PIEZO1: variants seen among roughly 807,000 people sequenced by gnomAD.
PIEZO1 encodes the protein piezo-type mechanosensitive ion channel component 1.
In PIEZO1, 296 loss-of-function variants were observed where a neutral mutation model predicts 297.2. The ratio of observed to expected loss-of-function variants is 1.00; its 90% CI spans 0.91 to 1.10. The LOEUF is 1.10. PIEZO1 is among the 50% of genes least tolerant of loss of function. The probability of loss-of-function intolerance (pLI) is 0.00; values close to 1 mark genes in which losing one functional copy is unlikely to be tolerated. For missense variants in PIEZO1, 5,018 were observed against 3,455.5 expected (o/e 1.45, Z -11.34); for synonymous variants, 2,427 against 1,507.5 (o/e 1.61, Z -14.13).
At position 88,735,179 on chromosome 16, in the gene PIEZO1, G is replaced by A. The variant is rs1905125698; in HGVS notation, c.1625C>T (p.Ala542Val). 1.9e-6 allele frequency: 3 copies of A among 1,550,260 alleles called. No individual in the cohort carries two copies. Among genetic ancestry groups the A allele is most frequent in the Non-Finnish European group, 2.6e-6 (3 of 1,146,920 alleles). The change falls in exon 13 of 51, where the codon GCA becomes GTA. Residue 542 changes from alanine (A) to valine (V), a missense_variant. Physicochemically the swap from Ala to Val is moderately conservative, Grantham distance 64. Transcript: ENST00000301015. The stretch of plus-strand genomic sequence containing the variant: ...CTCCGTCAGCGCAGCTGGAGACTCT[G>A]CCCACTTCAGCAGCTTCTCTTTCAC... Reference protein sequence around the residue: ...QFVKEKLLKWAESPAALTEVT... With the variant: ...QFVKEKLLKWVESPAALTEVT...
rs770940515 is a variant in PIEZO1 at position 88,735,128 on chromosome 16, C to G, written c.1669+7G>C. Reference sequence around the variant, plus strand: ...AGGGCAACCCCCGCCTCTGGCCCACCACTCACCTGTGTCTGCCACGGTGAC... The same window carrying G: ...AGGGCAACCCCCGCCTCTGGCCCACGACTCACCTGTGTCTGCCACGGTGAC... On this transcript the variant is annotated splice_region_variant and intron_variant, in intron 13 of 50. Transcript: ENST00000301015. 9 of 1,549,816 alleles carry G rather than the reference C, an allele frequency of 5.8e-6. No individual in the cohort carries two copies. In the East Asian group the frequency reaches 7.3e-5, roughly 13 times the overall value.
intron 12 of PIEZO1, 147 bp downstream of exon 12, chr16:88,736,001 C>G (rs375956248): frequency 1.3e-6 from 1 of 769,048 alleles, no homozygotes; most frequent in Non-Finnish European, 2.0e-6. Flanking sequence ...CTACTCTGGG[C>G]TGGCTCTGGG....
intron 29 of PIEZO1, 88 bp downstream of exon 29, chr16:88,725,328 C>T (rs1436070945): frequency 2.7e-5 from 23 of 861,992 alleles, no homozygotes; most frequent in Admixed American, 3.1e-5. Context: ...CCCTGTGGGA[C>T]GTCACATGGG....
chr16:88,784,821 G>T, intron 1 of PIEZO1, 80 bp downstream of exon 1: 1 of 1,049,844 alleles, frequency 9.5e-7, no homozygotes, highest in Non-Finnish European at 1.3e-6. Flanking sequence ...CGCCCCGGCC[G>T]GCGTCGTCCG....
chr16:88,728,372 C>T (rs1426905838), intron 22 of PIEZO1, among the ~76,000 whole-genome samples: 2 of 152,236 alleles, frequency 1.3e-5, no homozygotes, highest in African/African-American at 4.8e-5. Context: ...ACAGAGGGAA[C>T]CTCGCGACAC....
At chr16:88,757,077 A>T (rs554602408) in intron 1 of PIEZO1, among the ~76,000 whole-genome samples, 37 of 152,282 alleles carry the variant, frequency 2.4e-4, no homozygotes, top group Non-Finnish European at 4.7e-4. Context: ...CTCCGTCTCA[A>T]AACAAACAAA....
At chr16:88,725,797 G>A (rs377099070) in intron 27 of PIEZO1, 113 bp from the exon 28 acceptor site, 27 of 664,430 alleles carry the variant, frequency 4.1e-5, no homozygotes, top group African/African-American at 9.0e-5. Context: ...CTCTGCCCAC[G>A]CTGGACAAGA....
In PIEZO1 at chr16:88,742,049, T is replaced by A; in HGVS notation, c.326+4A>T. On this transcript the variant is annotated splice_donor_region_variant and intron_variant, in intron 4 of 50. Transcript: ENST00000301015. ...CTGGTTGGGGGTGGGAGGAATGGTC[T>A]TACCTTGTGACCCCTATGTGTCGCG... is the stretch of plus-strand genomic sequence containing the variant. 6.5e-7 allele frequency: 1 copy of A among 1,536,072 alleles called. No individual in the cohort carries two copies. Among genetic ancestry groups the A allele is most frequent in the Non-Finnish European group, 8.7e-7 (1 of 1,146,736 alleles).
Position 88,732,435 on chromosome 16 carries a change from T to C in PIEZO1, c.2891A>G (p.Gln964Arg). The change falls in exon 21 of 51, where the codon CAG (glutamine) becomes CGG (arginine). Residue 964 changes from glutamine (Q) to arginine (R), a missense_variant. Transcript: ENST00000301015. ...RQHQLAPLPAQAVFASGTRQQ... is the reference protein window; with the variant it reads ...RQHQLAPLPARAVFASGTRQQ... Reference sequence around the variant, plus strand: ...GCGGGTGCCGCTGGCAAACACGGCCTGGGCAGGCAGCGGGGCCAGCTGGTG... The same window carrying C: ...GCGGGTGCCGCTGGCAAACACGGCCCGGGCAGGCAGCGGGGCCAGCTGGTG... The C allele has an allele frequency of 3.2e-6, 5 of 1,549,690 alleles. No individual in the cohort carries two copies. Among genetic ancestry groups the C allele is most frequent in the South Asian group, 1.2e-5 (1 of 84,050 alleles).
rs566440325 is a variant in PIEZO1 at position 88,727,636 on chromosome 16, G to T, written c.3222C>A (p.Ala1074=). 2.7e-6 allele frequency: 4 copies of T among 1,498,154 alleles called. No homozygotes were observed. The highest frequency in any genetic ancestry group is 1.3e-5 in the South Asian group (1 of 78,754). The allele number at this position is 1,498,154 out of a possible 1,614,324, so 92.8% of individuals were successfully genotyped here. ...CIDYPWRWSR[A]VPMNSALIKW... The stretch of plus-strand genomic sequence containing the variant: ...TGATGAGTGCGGAGTTCATGGGGAC[G>T]GCCCGGCTCCAGCGCCAGGGATAAT... Residue 1074 remains alanine, a synonymous_variant, in exon 23 of 51, where the codon GCC becomes GCA. Transcript: ENST00000301015.
At position 88,736,297 on chromosome 16, in the gene PIEZO1, T is replaced by C; in HGVS notation, c.1408A>G (p.Ile470Val). Residue 470 changes from isoleucine (I) to valine (V), a missense_variant, in exon 12 of 51, where the codon ATC becomes GTC. Physicochemically the swap from Ile to Val is conservative, Grantham distance 29. Coordinates refer to ENST00000301015, the MANE Select transcript of PIEZO1 (RefSeq NM_001142864.4). ...CACAGCGTCATCCCATACAGCAGGA[T>C]GCAGGGCGAGCACAGCATGGCCAGT... is the stretch of plus-strand genomic sequence containing the variant. The part of the protein sequence containing the change: ...HQLAMLCSPC[I>V]LLYGMTLCCL... 2 of 1,550,198 alleles carry C rather than the reference T, an allele frequency of 1.3e-6. No individual in the cohort carries two copies. Among genetic ancestry groups the C allele is most frequent in the African/African-American group, 1.4e-5 (1 of 73,148 alleles).
chr16:88,779,944 G>C (rs889576404), intron 1 of PIEZO1, among the ~76,000 whole-genome samples: 2 of 152,224 alleles, frequency 1.3e-5, no homozygotes, highest in Admixed American at 1.3e-4. Context: ...ACCCAGCCTG[G>C]GTGTGAGATC....
At chr16:88,763,240 G>C (rs563497340) in intron 1 of PIEZO1, among the ~76,000 whole-genome samples, 91 of 152,294 alleles carry the variant, frequency 6.0e-4, no homozygotes, top group African/African-American at 2.1e-3. Context: ...AGTTCCTCTA[G>C]GAGGGCCCTG....
At chr16:88,777,336 G>A (rs577108926) in intron 1 of PIEZO1, among the ~76,000 whole-genome samples, 2 of 152,368 alleles carry the variant, frequency 1.3e-5, no homozygotes, top group South Asian at 4.1e-4. Context: ...CGAAGGCAGC[G>A]GAGGCCAGGG....
chr16:88,762,946 C>T (rs1284669584), intron 1 of PIEZO1, among the ~76,000 whole-genome samples: 1 of 152,228 alleles, frequency 6.6e-6, no homozygotes, highest in Non-Finnish European at 1.5e-5. Flanking sequence ...TACCCAGGAG[C>T]TCCAGGCTGC....
rs1904495797 is a variant in PIEZO1, at chr16:88,727,047, G to C, written c.3447C>G (p.Ile1149Met). The change falls in exon 24 of 51, where the codon ATC (isoleucine) becomes ATG (methionine). Residue 1149 changes from isoleucine (I) to methionine (M), a missense_variant. Transcript: ENST00000301015. ...RGEPNPVPNF[I>M]HCRSYLDMLK... ...GGTGACGTGGAACCCACCTGCAGTG[G>C]ATAAAGTTGGGCACGGGGTTGGGCT... 1 of 1,549,030 alleles carries C rather than the reference G, an allele frequency of 6.5e-7. No homozygotes were observed. Among genetic ancestry groups the C allele is most frequent in the Non-Finnish European group, 8.7e-7 (1 of 1,145,914 alleles).
intron 12 of PIEZO1, 36 bp from the exon 13 acceptor site, chr16:88,735,282 G>T: frequency 7.0e-7 from 1 of 1,429,950 alleles, no homozygotes; most frequent in South Asian, 1.2e-5. Context: ...TCAGCCGGGG[G>T]GCCCAGCACC....
chr16:88,773,115 C>T (rs1907500230), intron 1 of PIEZO1, among the ~76,000 whole-genome samples: 2 of 152,258 alleles, frequency 1.3e-5, no homozygotes, highest in South Asian at 4.1e-4. Context: ...CCATCTGTCA[C>T]CAGCGGCTCC....
rs576008165 is a variant in PIEZO1 at position 88,773,297 on chromosome 16, C to T, written c.64+11604G>A. ...CAGCCCTCCAAGAGTGGGCAGCCAACGAGGGACCCCCTGAATAAAAACCGC... is the reference window on the plus strand; with the variant it reads ...CAGCCCTCCAAGAGTGGGCAGCCAATGAGGGACCCCCTGAATAAAAACCGC... On this transcript the variant is annotated intron_variant, in intron 1 of 50. Transcript: ENST00000301015. 1.4e-3 allele frequency among the ~76,000 whole-genome samples: 220 copies of T among 152,376 alleles called. 6 individuals carry two copies. Among genetic ancestry groups the T allele is most frequent in the Admixed American group, 0.014 (217 of 15,312 alleles).
Sources: allele counts gnomAD v4.1 joint callset (sites outside exome capture counted in the v4.1 genomes callset), GRCh38; gene constraint gnomAD v4.1.1; transcripts MANE v1.5; gene names NCBI Gene and HGNC (gene_info 2026-07-23, HGNC 2026-07-21).